Variants in ADGRL3 observed in about 807,000 individuals in gnomAD.
ADGRL3 encodes the protein adhesion G protein-coupled receptor L3.
A neutral mutation model predicts 153.5 loss-of-function variants in ADGRL3; 62 were observed. The observed-to-expected ratio is 0.40, with a 90% confidence interval of 0.33 to 0.50. The LOEUF is 0.50. ADGRL3 is among the 20% of genes least tolerant of loss of function. ADGRL3 has a pLI of 0.47. For missense variants in ADGRL3, 1,641 were observed against 1,859.4 expected, an observed-to-expected ratio of 0.88 and a Z score of 2.16; for synonymous variants, 710 against 672.5, an observed-to-expected ratio of 1.06 and a Z score of -0.86.
At chr4:61,653,153 C>G (rs868773063) in intron 5 of ADGRL3, among the ~76,000 whole-genome samples, 1 of 134,318 alleles carries the variant, frequency 7.4e-6, no homozygotes, top group African/African-American at 2.9e-5. Context: ...CTCTCTCTGT[C>G]TCTCTCTCTC....
At chr4:61,361,987 T>A (rs568220992) in intron 1 of ADGRL3, among the ~76,000 whole-genome samples, 17 of 148,808 alleles carry the variant, frequency 1.1e-4, no homozygotes, top group African/African-American at 2.9e-4. Context: ...TATATAAAAA[T>A]ATATATATAA....
intron 1 of ADGRL3, among the ~76,000 whole-genome samples, chr4:61,258,901 A>T (rs2092259021): frequency 6.6e-6 from 1 of 152,254 alleles, no homozygotes; most frequent in Admixed American, 6.5e-5. Flanking sequence ...CAATAAAAAT[A>T]ACCCTTATTT....
chr4:62,025,645 T>C (rs74523753), intron 21 of ADGRL3, among the ~76,000 whole-genome samples: 4,275 of 152,240 alleles, frequency 0.028, 222 homozygotes, highest in African/African-American at 0.097. Context: ...TGCGTTAGTA[T>C]ATATTACCTG....
intron 9 of ADGRL3, among the ~76,000 whole-genome samples, chr4:61,891,881 T>C (rs992260982): frequency 1.3e-5 from 2 of 152,220 alleles, no homozygotes; most frequent in African/African-American, 2.4e-5. Context: ...AATTCCATAG[T>C]ATGCCTATTC....
At chr4:61,256,032 T>C (rs976045671) in intron 1 of ADGRL3, among the ~76,000 whole-genome samples, 1 of 152,194 alleles carries the variant, frequency 6.6e-6, no homozygotes, top group Non-Finnish European at 1.5e-5. Flanking sequence ...TTGGATCTAC[T>C]TTGCACGTCC....
chr4:61,430,504 G>A lies in ADGRL3; in HGVS notation c.-174+47315G>A, dbSNP rs542286881. ...GTACAGAGAGTAAGACACTGTACAT[G>A]CAACTTGCATTAACAATATTGAATT... is the stretch of plus-strand genomic sequence containing the variant. On this transcript the variant is annotated intron_variant, in intron 2 of 26. Transcript: ENST00000683033. Among the ~76,000 whole-genome samples the A allele has an allele frequency of 1.1e-4, 16 of 152,162 alleles. No homozygotes were observed. In the East Asian group the frequency reaches 1.9e-3, roughly 18 times the overall value.
intron 1 of ADGRL3, among the ~76,000 whole-genome samples, chr4:61,362,141 T>C (rs1463112297): frequency 6.6e-6 from 1 of 151,262 alleles, no homozygotes; most frequent in Non-Finnish European, 1.5e-5. Context: ...TAGCTGGGAC[T>C]ACAGGTCTGC....
intron 2 of ADGRL3, among the ~76,000 whole-genome samples, chr4:61,442,734 G>C (rs766456240): frequency 4.4e-4 from 67 of 152,038 alleles, no homozygotes; most frequent in Non-Finnish European, 8.7e-4. Flanking sequence ...TAATGAGTTG[G>C]TCTTAATGCC....
chr4:61,675,950 C>G (rs555177120), intron 5 of ADGRL3, among the ~76,000 whole-genome samples: 2 of 151,744 alleles, frequency 1.3e-5, no homozygotes, highest in Admixed American at 6.6e-5. Flanking sequence ...TTCCTCCCCC[C>G]TCTACCCCTC....
At chr4:62,049,986 T>C (rs1369614673) in intron 25 of ADGRL3, among the ~76,000 whole-genome samples, 2 of 152,118 alleles carry the variant, frequency 1.3e-5, no homozygotes, top group African/African-American at 4.8e-5. Context: ...TTATACTTTC[T>C]AAAAAATGAA....
chr4:61,618,768 G>GT (rs1287940662), intron 5 of ADGRL3, among the ~76,000 whole-genome samples: 2 of 152,172 alleles, frequency 1.3e-5, no homozygotes, highest in Non-Finnish European at 2.9e-5. Flanking sequence ...CCAAGCTGGA[G>GT]TGTAATGGCA....
At chr4:61,983,320 A>C in intron 18 of ADGRL3, 63 bp from the exon 19 acceptor site, 2 of 1,262,328 alleles carry the variant, frequency 1.6e-6, no homozygotes, top group Non-Finnish European at 2.3e-6. Context: ...ATTTGGTTTT[A>C]TGGCAGTTGA....
intron 8 of ADGRL3, among the ~76,000 whole-genome samples, chr4:61,793,059 A>G (rs750310419): frequency 2.0e-5 from 3 of 152,046 alleles, no homozygotes; most frequent in Non-Finnish European, 2.9e-5. Context: ...AAGGCAAGGA[A>G]CAGCAATTCA....
At chr4:61,818,723 T>A (rs139113685) in intron 9 of ADGRL3, among the ~76,000 whole-genome samples, 1 of 152,104 alleles carries the variant, frequency 6.6e-6, no homozygotes, top group East Asian at 1.9e-4. Flanking sequence ...AAAATGGTTG[T>A]CCTGATAGAT....
At chr4:61,283,193 C>G (rs1285201363) in intron 1 of ADGRL3, among the ~76,000 whole-genome samples, 1 of 152,098 alleles carries the variant, frequency 6.6e-6, no homozygotes, top group Non-Finnish European at 1.5e-5. Context: ...GTATTACACA[C>G]TGCTTGTAAT....
At chr4:61,283,799 G>A (rs2093817772) in intron 1 of ADGRL3, among the ~76,000 whole-genome samples, 1 of 151,806 alleles carries the variant, frequency 6.6e-6, no homozygotes, top group African/African-American at 2.4e-5. Flanking sequence ...CAAATAGCTG[G>A]GCCAGTTTAC....
chr4:61,346,040 G>A (rs918263135), intron 1 of ADGRL3, among the ~76,000 whole-genome samples: 5 of 152,042 alleles, frequency 3.3e-5, no homozygotes, highest in African/African-American at 7.2e-5. Context: ...CTGCTCCTGC[G>A]CTCACGGCAT....
chr4:61,556,755 C>A (rs2098768988), intron 4 of ADGRL3, among the ~76,000 whole-genome samples: 1 of 152,050 alleles, frequency 6.6e-6, no homozygotes, highest in Non-Finnish European at 1.5e-5. Flanking sequence ...GGTACTTAAC[C>A]CCGGTGACAA....
At chr4:61,391,207 G>A (rs2096797828) in intron 2 of ADGRL3, among the ~76,000 whole-genome samples, 1 of 152,176 alleles carries the variant, frequency 6.6e-6, no homozygotes, top group Non-Finnish European at 1.5e-5. Context: ...CCCGGCATCT[G>A]TTCCTGCTGG....
Sources: allele counts gnomAD v4.1 joint callset (sites outside exome capture counted in the v4.1 genomes callset), GRCh38; gene constraint gnomAD v4.1.1; transcripts MANE v1.5; gene names NCBI Gene and HGNC (gene_info 2026-07-23, HGNC 2026-07-21).